SCAPER: variants seen among roughly 807,000 people sequenced by gnomAD.
SCAPER encodes the protein S-phase cyclin A associated protein in the ER.
Under a neutral mutation model 182.2 loss-of-function variants are expected in SCAPER, and 98 were observed. That is an observed-to-expected ratio of 0.54 (90% confidence interval 0.46 to 0.64). The LOEUF is 0.64. SCAPER is among the 30% of genes least tolerant of loss of function. The probability of loss-of-function intolerance (pLI) is 0.00; values close to 1 mark genes in which losing one functional copy is unlikely to be tolerated. For synonymous variants in SCAPER, 605 were observed against 564.6 expected, an observed-to-expected ratio of 1.07 and a Z score of -1.01; for missense variants, 1,432 against 1,690.0, an observed-to-expected ratio of 0.85 and a Z score of 2.68.
In SCAPER at chr15:76,423,088, T is replaced by G. The variant is rs551083510; in HGVS notation, c.3311+10990A>C. ...ATATTGGTCTAAAATTCTCTTTTTT[T>G]GTTGTGTCTCTGCCAGGCTTTGGTA... On this transcript the variant is annotated intron_variant, in intron 26 of 31. Transcript: ENST00000563290. Among the ~76,000 whole-genome samples, 518 of 152,146 alleles carry G rather than the reference T, an allele frequency of 3.4e-3. 9 individuals carry two copies. The highest frequency in any genetic ancestry group is 0.012 in the African/African-American group (489 of 41,526).
At position 76,750,082 on chromosome 15, in the gene SCAPER, C is replaced by T. The variant is rs555757630; in HGVS notation, c.1866+3726G>A. Among the ~76,000 whole-genome samples, 4 of 151,772 alleles carry T rather than the reference C, an allele frequency of 2.6e-5. No homozygotes were observed. The South Asian group carries it at 8.3e-4, about 31-fold the overall frequency. On this transcript the variant is annotated intron_variant, in intron 15 of 31. Transcript: ENST00000563290. ...AAGTTAGAAAGAAAACTCACATATTCATGGCCAATTCATTTTCAACAATGT... is the reference window on the plus strand; with the variant it reads ...AAGTTAGAAAGAAAACTCACATATTTATGGCCAATTCATTTTCAACAATGT...
chr15:76,456,965 G>C (rs1317947440), intron 25 of SCAPER, among the ~76,000 whole-genome samples: 1 of 151,816 alleles, frequency 6.6e-6, no homozygotes, highest in Non-Finnish European at 1.5e-5. Flanking sequence ...ATATGGGTTT[G>C]GTCTTTATAT....
intron 26 of SCAPER, among the ~76,000 whole-genome samples, chr15:76,417,267 T>C (rs1246369062): frequency 6.6e-6 from 1 of 152,098 alleles, no homozygotes; most frequent in Non-Finnish European, 1.5e-5. Context: ...TTTTCCAAAT[T>C]ATTTTTGTCA....
chr15:76,426,492 G>T (rs1443344390), intron 26 of SCAPER, among the ~76,000 whole-genome samples: 1 of 152,156 alleles, frequency 6.6e-6, no homozygotes, highest in Admixed American at 6.6e-5. Context: ...CTCATGCTGG[G>T]AGCTGTAGAC....
intron 25 of SCAPER, among the ~76,000 whole-genome samples, chr15:76,466,140 A>G (rs1287129435): frequency 6.6e-6 from 1 of 152,064 alleles, no homozygotes; most frequent in African/African-American, 2.4e-5. Flanking sequence ...TTGGGTCACT[A>G]TTTAAGTAAA....
At chr15:76,708,331 T>C (rs1199277346) in intron 17 of SCAPER, among the ~76,000 whole-genome samples, 1 of 152,008 alleles carries the variant, frequency 6.6e-6, no homozygotes, top group Non-Finnish European at 1.5e-5. Flanking sequence ...AACCTCTGGA[T>C]AGAAAGAGCC....
intron 4 of SCAPER, among the ~76,000 whole-genome samples, chr15:76,853,916 C>T (rs1328820469): frequency 6.6e-6 from 1 of 152,152 alleles, no homozygotes; most frequent in Non-Finnish European, 1.5e-5. Flanking sequence ...ATCTAGAAAA[C>T]CCATAGTCTC....
intron 23 of SCAPER, chr15:76,567,520 C>T: frequency 4.4e-6 from 1 of 228,890 alleles, no homozygotes; most frequent in South Asian, 5.1e-5. Flanking sequence ...GTTCCCACTG[C>T]TCTAGTTCTT....
chr15:76,813,461 CA>C (rs1269269570), intron 5 of SCAPER, among the ~76,000 whole-genome samples: 23 of 135,366 alleles, frequency 1.7e-4, no homozygotes, highest in Admixed American at 1.5e-4. Context: ...GCAATCGGAC[CA>C]AAAAAAAAAG....
chr15:76,767,890 G>A (rs116198540), intron 10 of SCAPER, among the ~76,000 whole-genome samples: 2 of 151,976 alleles, frequency 1.3e-5, no homozygotes, highest in African/African-American at 2.4e-5. Context: ...CAAGTAAAAG[G>A]TCTATGCTAA....
chr15:76,810,542 A>C (rs951058250), intron 5 of SCAPER, among the ~76,000 whole-genome samples: 1 of 120,862 alleles, frequency 8.3e-6, no homozygotes, highest in African/African-American at 3.2e-5. Flanking sequence ...GCAATACAAA[A>C]AAAAAAAACC....
At chr15:76,835,933 C>CAAAAAAAAAAAAAAA (rs35242954) in intron 5 of SCAPER, among the ~76,000 whole-genome samples, 2 of 94,296 alleles carry the variant, frequency 2.1e-5, no homozygotes, top group East Asian at 3.2e-4. Flanking sequence ...ACATTAGCCA[C>CAAAAAAAAAAAAAAA]AAAAAAAAAA....
chr15:76,888,198 T>C (rs537601688), intron 1 of SCAPER, among the ~76,000 whole-genome samples: 64 of 152,144 alleles, frequency 4.2e-4, no homozygotes, highest in African/African-American at 1.5e-3. Flanking sequence ...AGACCAAAGG[T>C]AGATAAAACC....
At chr15:76,515,464 T>C (rs2042348470) in intron 23 of SCAPER, among the ~76,000 whole-genome samples, 2 of 152,196 alleles carry the variant, frequency 1.3e-5, no homozygotes, top group Non-Finnish European at 2.9e-5. Context: ...GTTTTAAAGT[T>C]TGAAGGTAAA....
chr15:76,515,781 T>C (rs1567324415), intron 23 of SCAPER, among the ~76,000 whole-genome samples: 1 of 152,194 alleles, frequency 6.6e-6, no homozygotes, highest in Non-Finnish European at 1.5e-5. Flanking sequence ...ATATTGCGTC[T>C]AGCAAAAAGC....
At chr15:76,497,989 CAAAAAAAAAAAAAAAA>C (rs747096625) in intron 24 of SCAPER, among the ~76,000 whole-genome samples, 7 of 58,322 alleles carry the variant, frequency 1.2e-4, no homozygotes, top group Non-Finnish European at 1.8e-4. Flanking sequence ...GACTCCGTCT[CAAAAAAAAAAAAAAAA>C]AAAAAAAAAA....
intron 24 of SCAPER, 136 bp from the exon 25 acceptor site, chr15:76,471,471 T>C (rs1229244142): frequency 4.1e-6 from 4 of 980,908 alleles, no homozygotes; most frequent in Non-Finnish European, 5.7e-6. Context: ...CCAAATACTA[T>C]TAGGTACAAG....
At chr15:76,859,610 TAACAATATAAAATAATCCTTAACAA>T (rs1008479519) in intron 3 of SCAPER, among the ~76,000 whole-genome samples, 2 of 152,242 alleles carry the variant, frequency 1.3e-5, no homozygotes, top group African/African-American at 4.8e-5. Flanking sequence ...GGCAAAGTTT[TAACAATATAAAATAATCCTTAACAA>T]AAATTGTAAA....
chr15:76,658,267 A>T (rs573479220), intron 21 of SCAPER, among the ~76,000 whole-genome samples: 1 of 152,290 alleles, frequency 6.6e-6, no homozygotes, highest in African/African-American at 2.4e-5. Context: ...CTACACACCA[A>T]CATCCAAGCT....
Sources: allele counts gnomAD v4.1 joint callset (sites outside exome capture counted in the v4.1 genomes callset), GRCh38; gene constraint gnomAD v4.1.1; transcripts MANE v1.5; gene names NCBI Gene and HGNC (gene_info 2026-07-23, HGNC 2026-07-21).